SOX5: variants seen among roughly 807,000 people sequenced by gnomAD.
The protein encoded by SOX5 is SRY-box transcription factor 5.
A neutral mutation model predicts 92.0 loss-of-function variants in SOX5; 9 were observed. The observed-to-expected ratio is 0.10, with a 90% CI of 0.06 to 0.17. The LOEUF (loss-of-function observed/expected upper bound fraction) is 0.17. SOX5 is among the 10% of genes least tolerant of loss of function. SOX5 has a pLI of 1.00. For synonymous variants in SOX5, 344 were observed against 336.3 expected, an observed-to-expected ratio of 1.02 and a Z score of -0.25; for missense variants, 642 against 944.5, an observed-to-expected ratio of 0.68 and a Z score of 4.20.
chr12:24,501,741 T>C (rs148542582), intron 1 of SOX5, among the ~76,000 whole-genome samples: 3 of 152,250 alleles, frequency 2.0e-5, no homozygotes, highest in African/African-American at 7.2e-5. Flanking sequence ...GTGGAAGGAT[T>C]GCTTGAGCTG....
At chr12:24,525,482 T>C (rs1310742095) in intron 1 of SOX5, among the ~76,000 whole-genome samples, 3 of 152,168 alleles carry the variant, frequency 2.0e-5, no homozygotes, top group Admixed American at 6.5e-5. Flanking sequence ...TAGTTAAAAA[T>C]AGTGTATTGT....
chr12:23,797,070 C>G (rs567726459), intron 3 of SOX5, among the ~76,000 whole-genome samples: 92 of 151,640 alleles, frequency 6.1e-4, no homozygotes, highest in African/African-American at 2.1e-3. Flanking sequence ...GAAAAAAACA[C>G]AGCTTCAAAG....
chr12:23,760,620 C>A (rs559696560), intron 3 of SOX5, among the ~76,000 whole-genome samples: 1 of 152,054 alleles, frequency 6.6e-6, no homozygotes, highest in Admixed American at 6.6e-5. Context: ...ATGGCCCCCC[C>A]CAACTGTGCC....
intron 8 of SOX5, among the ~76,000 whole-genome samples, chr12:23,624,104 A>G (rs1477829135): frequency 6.6e-6 from 1 of 152,142 alleles, no homozygotes; most frequent in Non-Finnish European, 1.5e-5. Context: ...CAAATACTGT[A>G]TGATTAAGTA....
At chr12:23,914,521 C>T (rs553972318) in intron 1 of SOX5, among the ~76,000 whole-genome samples, 3 of 152,082 alleles carry the variant, frequency 2.0e-5, no homozygotes, top group Admixed American at 1.3e-4. Flanking sequence ...ATCTCTATCA[C>T]GGCAGAGGAG....
intron 2 of SOX5, among the ~76,000 whole-genome samples, chr12:24,328,304 G>T (rs538253695): frequency 6.6e-6 from 1 of 152,264 alleles, no homozygotes; most frequent in African/African-American, 2.4e-5. Flanking sequence ...GCTCTGGTTT[G>T]CAGGGACAAT....
intron 4 of SOX5, among the ~76,000 whole-genome samples, chr12:23,993,262 T>C (rs879314794): frequency 1.3e-5 from 2 of 152,204 alleles, no homozygotes; most frequent in Admixed American, 1.3e-4. Context: ...TAAAGCCATA[T>C]TCCAAATTAC....
rs867672205 is a variant in SOX5, at chr12:24,114,602, A to G, written c.-2+98741T>C. Reference sequence around the variant, plus strand: ...AAAAAAAAAAAAAAAAAAAAAAAAAAAAATTAACAGACTTGAAAAAAATAT... The same window carrying G: ...AAAAAAAAAAAAAAAAAAAAAAAAAGAAATTAACAGACTTGAAAAAAATAT... On this transcript the variant is annotated intron_variant, in intron 4 of 4. Coordinates refer to the SOX5 transcript ENST00000446891. 1.5e-3 allele frequency among the ~76,000 whole-genome samples: 228 copies of G among 148,046 alleles called. 3 individuals carry two copies. Among genetic ancestry groups the G allele is most frequent in the African/African-American group, 5.7e-3 (225 of 39,684 alleles).
rs1458260270 is a variant in SOX5, at chr12:23,575,747, G to A, written c.1256C>T (p.Ala419Val). Residue 419 changes from alanine to valine, a missense_variant, in exon 10 of 15, where the codon GCT becomes GTT. Coordinates refer to ENST00000451604, the MANE Select transcript of SOX5 (RefSeq NM_006940.6). Reference protein sequence around the residue: ...PTSPTSPHMPALRINSGAGPL... With the variant: ...PTSPTSPHMPVLRINSGAGPL... Reference sequence around the variant, plus strand: ...GCCTGCCCCACTGTTTATTCTCAGAGCTGGCATATGGGGAGAGGTGGGTGA... The same window carrying A: ...GCCTGCCCCACTGTTTATTCTCAGAACTGGCATATGGGGAGAGGTGGGTGA... The A allele has an allele frequency of 1.2e-6, 2 of 1,613,880 alleles. No individual in the cohort carries two copies. The highest frequency in any genetic ancestry group is 3.3e-5 in the Admixed American group (2 of 59,986).
chr12:23,737,365 C>T (rs2093640437), intron 5 of SOX5, among the ~76,000 whole-genome samples: 1 of 151,890 alleles, frequency 6.6e-6, no homozygotes, highest in Non-Finnish European at 1.5e-5. Flanking sequence ...ATAGTGAAAC[C>T]CCGTCTCTAC....
At chr12:23,857,030 G>A (rs1173325302) in intron 2 of SOX5, among the ~76,000 whole-genome samples, 1 of 152,064 alleles carries the variant, frequency 6.6e-6, no homozygotes, top group Admixed American at 6.6e-5. Flanking sequence ...GAGTCATTTA[G>A]TTTAAGCCTA....
chr12:24,141,152 T>C (rs2138658413), intron 4 of SOX5, among the ~76,000 whole-genome samples: 1 of 152,272 alleles, frequency 6.6e-6, no homozygotes, highest in East Asian at 1.9e-4. Flanking sequence ...TGCAAACCTC[T>C]CTTCATGGCT....
chr12:23,947,100 A>G (rs1182560201), intron 1 of SOX5, among the ~76,000 whole-genome samples: 1 of 151,976 alleles, frequency 6.6e-6, no homozygotes, highest in Non-Finnish European at 1.5e-5. Flanking sequence ...GAAGAATAAA[A>G]GATGGACAAG....
At chr12:23,613,475 A>G (rs1411397091) in intron 8 of SOX5, among the ~76,000 whole-genome samples, 1 of 152,188 alleles carries the variant, frequency 6.6e-6, no homozygotes, top group Non-Finnish European at 1.5e-5. Context: ...AATTAATGAT[A>G]GAATTACTAT....
chr12:24,426,621 T>C (rs1966801576), intron 1 of SOX5, among the ~76,000 whole-genome samples: 1 of 152,190 alleles, frequency 6.6e-6, no homozygotes, highest in South Asian at 2.1e-4. Context: ...AGCATGGAAG[T>C]TGCTGTCATA....
In SOX5 at chr12:23,903,574, C is replaced by A. The variant is rs376225945; in HGVS notation, c.39-7550G>T. Among the ~76,000 whole-genome samples the A allele has an allele frequency of 7.2e-5, 11 of 152,150 alleles. No individual in the cohort carries two copies. In the East Asian group the frequency reaches 1.7e-3, roughly 24 times the overall value. ...CAACAGCCTGGGCAACAAAGTGAGA[C>A]CCTGTCTCAAAAAAAACTCTTTTAA... is the stretch of plus-strand genomic sequence containing the variant. On this transcript the variant is annotated intron_variant, in intron 1 of 14. Coordinates refer to ENST00000451604, the MANE Select transcript of SOX5 (RefSeq NM_006940.6).
chr12:23,919,234 G>A, intron 1 of SOX5, among the ~76,000 whole-genome samples: 1 of 152,102 alleles, frequency 6.6e-6, no homozygotes, highest in South Asian at 2.1e-4. Context: ...GTTTGCAGGT[G>A]AAATTGGTAG....
rs143308922 is a variant in SOX5, at chr12:24,010,349, A to G, written c.-1-114325T>C. The stretch of plus-strand genomic sequence containing the variant: ...TACAAAGATAATAAATATGTGTAAG[A>G]TGAATGAATATGTGTGTATGGAGGA... On this transcript the variant is annotated intron_variant, in intron 4 of 4. Transcript: ENST00000446891. Among the ~76,000 whole-genome samples the G allele has an allele frequency of 3.4e-4, 52 of 152,330 alleles. No individual in the cohort carries two copies. The East Asian group carries it at 9.6e-3, about 28-fold the overall frequency.
chr12:23,578,709 G>A (rs753282615), intron 9 of SOX5, among the ~76,000 whole-genome samples: 1 of 152,082 alleles, frequency 6.6e-6, no homozygotes, highest in Non-Finnish European at 1.5e-5. Context: ...AAGCCTAAAT[G>A]TCCTGACTGT....
Sources: allele counts gnomAD v4.1 joint callset (sites outside exome capture counted in the v4.1 genomes callset), GRCh38; gene constraint gnomAD v4.1.1; transcripts MANE v1.5; gene names NCBI Gene and HGNC (gene_info 2026-07-23, HGNC 2026-07-21).